Variants in GATB observed in about 807,000 individuals in gnomAD.
GATB encodes the protein glutamyl-tRNA(Gln) amidotransferase subunit B, mitochondrial.
GATB carries 39 observed loss-of-function variants against 62.3 expected under a neutral mutation model. That is an observed-to-expected ratio of 0.63 (90% CI 0.48 to 0.82). The LOEUF (loss-of-function observed/expected upper bound fraction) is 0.82. Ranked by LOEUF, GATB falls within the 40% of genes least tolerant of loss-of-function variation. GATB has a pLI of 0.00. For missense variants in GATB, 670 were observed against 684.0 expected (o/e 0.98, Z 0.23); for synonymous variants, 276 against 258.9 (o/e 1.07, Z -0.63).
chr4:151,701,749 C>T (rs140192332), intron 8 of GATB, among the ~76,000 whole-genome samples: 1 of 152,198 alleles, frequency 6.6e-6, no homozygotes, highest in Non-Finnish European at 1.5e-5. Context: ...GAAAGAAGCA[C>T]AACACAGGCT....
At chr4:151,752,989 C>T (rs1255121516) in intron 2 of GATB, among the ~76,000 whole-genome samples, 1 of 152,138 alleles carries the variant, frequency 6.6e-6, no homozygotes, top group Non-Finnish European at 1.5e-5. Flanking sequence ...GTTCTTCCCA[C>T]TAGGGTCACA....
intron 5 of GATB, among the ~76,000 whole-genome samples, chr4:151,713,885 T>C (rs1011563254): frequency 2.0e-5 from 3 of 152,126 alleles, no homozygotes; most frequent in Admixed American, 1.3e-4. Flanking sequence ...GGCAAATAAC[T>C]CCCACCTCTC....
At chr4:151,707,894 T>G (rs1215404083) in intron 6 of GATB, 94 bp downstream of exon 6, 2 of 801,572 alleles carry the variant, frequency 2.5e-6, no homozygotes, top group African/African-American at 3.4e-5. Context: ...CGAAAGTAGT[T>G]CTTGTGTAAG....
intron 8 of GATB, among the ~76,000 whole-genome samples, chr4:151,702,329 A>G (rs1738622605): frequency 6.6e-6 from 1 of 152,238 alleles, no homozygotes; most frequent in Admixed American, 6.5e-5. Context: ...GATTTTGCCT[A>G]AACAAAATGT....
chr4:151,718,284 T>G (rs1738955685), intron 3 of GATB, among the ~76,000 whole-genome samples: 1 of 152,156 alleles, frequency 6.6e-6, no homozygotes, highest in African/African-American at 2.4e-5. Context: ...AAGCTCTGGG[T>G]AGGGTTGTTG....
intron 2 of GATB, among the ~76,000 whole-genome samples, chr4:151,744,591 A>C (rs578178945): frequency 1.3e-5 from 2 of 152,166 alleles, no homozygotes; most frequent in African/African-American, 4.8e-5. Context: ...CTCTAAAAAA[A>C]ATAAAAATAA....
intron 7 of GATB, among the ~76,000 whole-genome samples, chr4:151,704,699 C>T (rs1377923267): frequency 6.6e-6 from 1 of 150,806 alleles, no homozygotes; most frequent in Non-Finnish European, 1.5e-5. Context: ...GTGATCCGCC[C>T]GCCTCGGCCT....
rs1737850495 is a variant in GATB, at chr4:151,671,185, G to A, written c.1663C>T (p.Leu555=). The change falls in exon 13 of 13, where the codon CTG becomes TTG. Residue 555 remains leucine, a synonymous_variant. Transcript: ENST00000263985. ...GGATCCCAAACATCTCACAATGACA[G>A]CTTCTTCTCCAGGATCTCCTTTATC... ...VMIKEILEKK[L]SL The A allele has an allele frequency of 6.2e-7, 1 of 1,614,076 alleles. No individual in the cohort carries two copies. The highest frequency in any genetic ancestry group is 1.1e-5 in the South Asian group (1 of 91,078).
chr4:151,703,285 T>C (rs1479426149), intron 8 of GATB: 1 of 152,782 alleles, frequency 6.5e-6, no homozygotes. Flanking sequence ...ACTTTGTTGC[T>C]TAAAACTTCA....
chr4:151,745,162 T>C (rs1318472491), intron 2 of GATB, among the ~76,000 whole-genome samples: 1 of 152,236 alleles, frequency 6.6e-6, no homozygotes. Flanking sequence ...ACATTTTGTC[T>C]TCTTAAATAG....
At chr4:151,716,357 A>G (rs1323555408) in intron 4 of GATB, 1 of 464,296 alleles carries the variant, frequency 2.2e-6, no homozygotes, top group African/African-American at 2.1e-5. Context: ...ATCATAGCTC[A>G]CTGCAGCCCT....
At position 151,704,685 on chromosome 4, in the gene GATB, C is replaced by T. The variant is rs1446937295; in HGVS notation, c.962+500G>A. Among the ~76,000 whole-genome samples the T allele has an allele frequency of 7.9e-5, 12 of 151,830 alleles. 1 individual carries two copies. The highest frequency in any genetic ancestry group is 2.4e-4 in the African/African-American group (10 of 41,380). On this transcript the variant is annotated intron_variant, in intron 7 of 12. Coordinates refer to ENST00000263985, the MANE Select transcript of GATB (RefSeq NM_004564.3). Reference sequence around the variant, plus strand: ...AGCCAGGATGGTCTCGATCTCCTGACCTCGTGATCCGCCCGCCTCGGCCTC... The same window carrying T: ...AGCCAGGATGGTCTCGATCTCCTGATCTCGTGATCCGCCCGCCTCGGCCTC...
At chr4:151,739,117 G>A (rs1206914454) in intron 2 of GATB, among the ~76,000 whole-genome samples, 1 of 152,202 alleles carries the variant, frequency 6.6e-6, no homozygotes, top group African/African-American at 2.4e-5. Context: ...GATTGATTAC[G>A]CTTCTTGCTT....
intron 11 of GATB, among the ~76,000 whole-genome samples, chr4:151,676,958 T>C (rs1173924405): frequency 6.6e-6 from 1 of 152,136 alleles, no homozygotes; most frequent in African/African-American, 2.4e-5. Context: ...TCATAACCAA[T>C]TAGAGCACAA....
intron 2 of GATB, among the ~76,000 whole-genome samples, chr4:151,743,810 A>G (rs146179869): frequency 6.4e-4 from 97 of 152,366 alleles, no homozygotes; most frequent in Non-Finnish European, 6.5e-4. Context: ...TTTGTAGGAC[A>G]GGTTTCTACT....
At chr4:151,718,597 G>A (rs1261760157) in intron 3 of GATB, among the ~76,000 whole-genome samples, 7 of 152,148 alleles carry the variant, frequency 4.6e-5, no homozygotes, top group Non-Finnish European at 7.3e-5. Context: ...ACTGGAGAAC[G>A]CAGGTCTTAC....
chr4:151,697,967 A>ATATATATATATATATATATATATATGTG (rs1738517526), intron 9 of GATB, among the ~76,000 whole-genome samples: 1 of 101,872 alleles, frequency 9.8e-6, no homozygotes, highest in African/African-American at 5.2e-5. Flanking sequence ...ATATATATAT[A>ATATATATATATATATATATATATATGTG]TATATATATA....
chr4:151,739,160 A>T (rs1365362642), intron 2 of GATB, among the ~76,000 whole-genome samples: 2 of 152,238 alleles, frequency 1.3e-5, no homozygotes, highest in Non-Finnish European at 2.9e-5. Flanking sequence ...GTGCATAAAA[A>T]TTTAGAATAG....
chr4:151,721,380 CTAA>C (rs1006050142), intron 2 of GATB: 5 of 152,280 alleles, frequency 3.3e-5, no homozygotes, highest in South Asian at 2.1e-4. Flanking sequence ...CATTCTGTGC[CTAA>C]TAATGTCAGC....
Sources: allele counts gnomAD v4.1 joint callset (sites outside exome capture counted in the v4.1 genomes callset), GRCh38; gene constraint gnomAD v4.1.1; transcripts MANE v1.5; gene names NCBI Gene and HGNC (gene_info 2026-07-23, HGNC 2026-07-21).